Variants in SMIM36 observed in about 807,000 individuals in gnomAD.
SMIM36 encodes small integral membrane protein 36.
At chr17:55,463,077 G>T (rs1165154006) in intron 4 of SMIM36, among the ~76,000 whole-genome samples, 1 of 152,054 alleles carries the variant, frequency 6.6e-6, no homozygotes, top group Admixed American at 6.6e-5. Context: ...GATCCTCCAG[G>T]CTATGTAATA....
the SMIM36 span, among the ~76,000 whole-genome samples, chr17:55,516,991 A>G: frequency 6.6e-6 from 1 of 152,160 alleles, no homozygotes; most frequent in African/African-American, 2.4e-5. Flanking sequence ...AAGAAAGACT[A>G]TATAATCACC....
chr17:55,465,720 T>C (rs909557182), intron 4 of SMIM36, among the ~76,000 whole-genome samples: 1 of 152,042 alleles, frequency 6.6e-6, no homozygotes, highest in Non-Finnish European at 1.5e-5. Context: ...CTGGTTTCTG[T>C]GTCTTAGAAT....
At chr17:55,531,782 C>T in the SMIM36 span, among the ~76,000 whole-genome samples, 6 of 152,090 alleles carry the variant, frequency 3.9e-5, no homozygotes, top group Admixed American at 6.6e-5. Context: ...GTTTAAGAAG[C>T]GGAATGTAAC....
chr17:55,507,785 G>A (rs554169714), intron 1 of SMIM36, among the ~76,000 whole-genome samples: 1 of 151,734 alleles, frequency 6.6e-6, no homozygotes, highest in Admixed American at 6.6e-5. Flanking sequence ...TTGCGCATGC[G>A]CACTTTACCT....
At chr17:55,480,707 A>C (rs1401913463) in intron 1 of SMIM36, among the ~76,000 whole-genome samples, 3 of 152,186 alleles carry the variant, frequency 2.0e-5, no homozygotes, top group African/African-American at 7.2e-5. Context: ...GGAAACCTCA[A>C]GTTTAATAAT....
rs181900451 is a variant in SMIM36 at position 55,478,437 on chromosome 17, C to T, written c.*347+325G>A. On this transcript the variant is annotated intron_variant, in intron 3 of 4. Transcript: ENST00000636752. ...TAGAGACAGGATCTTGCCTTGTTGC[C>T]CAGGCTGATCTCGAACTCCTGGGCT... Among the ~76,000 whole-genome samples, 115 of 152,072 alleles carry T rather than the reference C, an allele frequency of 7.6e-4. 1 individual carries two copies. The highest frequency in any genetic ancestry group is 1.8e-4 in the Non-Finnish European group (12 of 67,980).
intron 3 of SMIM36, among the ~76,000 whole-genome samples, chr17:55,471,454 A>G (rs1156770838): frequency 6.6e-6 from 1 of 151,988 alleles, no homozygotes; most frequent in African/African-American, 2.4e-5. Context: ...TCCTCCATCA[A>G]CATACACATG....
chr17:55,528,359 A>T, the SMIM36 span, among the ~76,000 whole-genome samples: 1 of 151,922 alleles, frequency 6.6e-6, no homozygotes, highest in East Asian at 1.9e-4. Context: ...TTCATATAAT[A>T]TATATTTTTA....
chr17:55,498,147 T>C (rs1567869877), intron 1 of SMIM36, among the ~76,000 whole-genome samples: 1 of 152,202 alleles, frequency 6.6e-6, no homozygotes, highest in Admixed American at 6.6e-5. Context: ...CATGTATATC[T>C]GTGTCCAAAA....
At chr17:55,526,321 T>A in the SMIM36 span, among the ~76,000 whole-genome samples, 4 of 151,858 alleles carry the variant, frequency 2.6e-5, no homozygotes, top group Non-Finnish European at 5.9e-5. Flanking sequence ...TTATTTATTT[T>A]TTATTTTTTG....
chr17:55,488,752 T>C (rs1909651130), intron 1 of SMIM36, among the ~76,000 whole-genome samples: 1 of 152,190 alleles, frequency 6.6e-6, no homozygotes, highest in Admixed American at 6.5e-5. Flanking sequence ...TACTCAACTT[T>C]TTCCATAGAG....
intron 4 of SMIM36, among the ~76,000 whole-genome samples, chr17:55,457,973 G>A (rs1011852495): frequency 6.6e-6 from 1 of 152,182 alleles, no homozygotes; most frequent in Non-Finnish European, 1.5e-5. Context: ...ATTGGGATTT[G>A]CCTGCTAGCT....
chr17:55,471,133 T>G (rs972890428), intron 3 of SMIM36, among the ~76,000 whole-genome samples: 2 of 152,106 alleles, frequency 1.3e-5, no homozygotes, highest in African/African-American at 4.8e-5. Flanking sequence ...CCTCCCAGCC[T>G]CTTTTCGCCT....
rs143148839 is a variant in SMIM36, at chr17:55,484,873, A to G, written c.*175-5293T>C. ...TGCAAGAAGTCAATGGCATGAGGCA[A>G]AGGCAAGAAAGCTTGTTCTAGATTA... On this transcript the variant is annotated intron_variant, in intron 1 of 4. Coordinates refer to ENST00000636752, the Ensembl canonical transcript of SMIM36. 4.4e-3 allele frequency among the ~76,000 whole-genome samples: 663 copies of G among 152,314 alleles called. 9 individuals are homozygous for G. Among genetic ancestry groups the G allele is most frequent in the East Asian group, 0.021 (107 of 5,184 alleles).
intron 4 of SMIM36, among the ~76,000 whole-genome samples, chr17:55,453,787 A>T (rs2143224639): frequency 6.6e-6 from 1 of 152,332 alleles, no homozygotes; most frequent in East Asian, 1.9e-4. Flanking sequence ...TAACAGTAAA[A>T]TAGATATTTA....
chr17:55,501,338 A>ATTATATTTTATAATATATATTATG (rs1909959517), intron 1 of SMIM36, among the ~76,000 whole-genome samples: 1 of 18,276 alleles, frequency 5.5e-5, no homozygotes. Context: ...TATATAATAT[A>ATTATATTTTATAATATATATTATG]TTATATATTA....
chr17:55,479,515 C>CA (rs1909484747), exon 2 of SMIM36: 1 of 152,190 alleles, frequency 6.6e-6, no homozygotes, highest in South Asian at 2.1e-4. Context: ...AACCAGTAGG[C>CA]AGAGGTTGCA....
At position 55,496,421 on chromosome 17, in the gene SMIM36, A is replaced by T. The variant is rs77667478; in HGVS notation, c.*174+14458T>A. On this transcript the variant is annotated intron_variant, in intron 1 of 4. Transcript: ENST00000636752. Reference sequence around the variant, plus strand: ...TGAGAAAAAAAAAATATGCGCAGACAACTTCCTACTATCTTGGGAGGATGT... The same window carrying T: ...TGAGAAAAAAAAAATATGCGCAGACTACTTCCTACTATCTTGGGAGGATGT... Among the ~76,000 whole-genome samples the T allele has an allele frequency of 4.0e-3, 607 of 152,324 alleles. 4 individuals are homozygous for T. The highest frequency in any genetic ancestry group is 0.014 in the African/African-American group (584 of 41,578).
chr17:55,482,698 T>G (rs75201560), intron 1 of SMIM36, among the ~76,000 whole-genome samples: 2,550 of 152,320 alleles, frequency 0.017, 65 homozygotes, highest in African/African-American at 0.058. Flanking sequence ...TAACTACCTT[T>G]ATCCTTTGCA....
Sources: allele counts gnomAD v4.1 joint callset (sites outside exome capture counted in the v4.1 genomes callset), GRCh38; gene constraint gnomAD v4.1.1; transcripts MANE v1.5; gene names NCBI Gene and HGNC (gene_info 2026-07-23, HGNC 2026-07-21).